The following WDR49 variants were observed in gnomAD, a reference collection of about 807,000 sequenced individuals.
WDR49 encodes WD repeat domain 49.
In WDR49, 107 loss-of-function variants were observed where a neutral mutation model predicts 119.5. The ratio of observed to expected loss-of-function variants is 0.90; its 90% CI spans 0.77 to 1.05. The LOEUF (loss-of-function observed/expected upper bound fraction) is 1.05, where lower values mean the gene tolerates loss of function less well. Ranked by LOEUF, WDR49 falls within the 50% of genes least tolerant of loss-of-function variation. The pLI is 0.00. For synonymous variants in WDR49, 425 were observed against 418.8 expected, an observed-to-expected ratio of 1.01 and a Z score of -0.18; for missense variants, 1,240 against 1,220.5, an observed-to-expected ratio of 1.02 and a Z score of -0.24.
intron 7 of WDR49, among the ~76,000 whole-genome samples, chr3:167,583,230 T>C (rs1714640164): frequency 1.3e-5 from 2 of 152,092 alleles, no homozygotes; most frequent in Non-Finnish European, 2.9e-5. Flanking sequence ...TAATTTACAA[T>C]GTAAATTAAA....
chr3:167,505,516 A>AAACAAG, intron 16 of WDR49, 100 bp from the exon 17 acceptor site: 1 of 1,349,988 alleles, frequency 7.4e-7, no homozygotes, highest in Non-Finnish European at 9.5e-7. Context: ...ACAAAAACAA[A>AAACAAG]AACAAAAAAT....
intron 2 of WDR49, among the ~76,000 whole-genome samples, chr3:167,648,926 A>T (rs1401897347): frequency 6.6e-6 from 1 of 152,228 alleles, no homozygotes; most frequent in African/African-American, 2.4e-5. Context: ...GTTTGCATAC[A>T]CTATAAAAAA....
chr3:167,635,706 A>G (rs1717585214), intron 2 of WDR49, among the ~76,000 whole-genome samples: 1 of 151,652 alleles, frequency 6.6e-6, no homozygotes. Flanking sequence ...CCCGAGGTTT[A>G]CTGCCCTTAA....
At chr3:167,540,355 C>T (rs1711737848) in intron 10 of WDR49, among the ~76,000 whole-genome samples, 1 of 152,170 alleles carries the variant, frequency 6.6e-6, no homozygotes. Context: ...AGATGAATCA[C>T]ATCAGAGGAC....
chr3:167,617,541 G>C (rs1186357946), intron 5 of WDR49, among the ~76,000 whole-genome samples: 2 of 152,058 alleles, frequency 1.3e-5, no homozygotes, highest in African/African-American at 4.8e-5. Flanking sequence ...AACAAACAAA[G>C]AAACAAACCT....
chr3:167,509,530 G>A (rs530263145), intron 16 of WDR49, among the ~76,000 whole-genome samples: 49 of 152,064 alleles, frequency 3.2e-4, no homozygotes, highest in Non-Finnish European at 5.6e-4. Context: ...ATATCATAGC[G>A]ACAGTTTTAA....
intron 2 of WDR49, among the ~76,000 whole-genome samples, chr3:167,627,864 T>G (rs1483179780): frequency 6.6e-6 from 1 of 152,138 alleles, no homozygotes; most frequent in African/African-American, 2.4e-5. Flanking sequence ...ATTGTGATTT[T>G]TACAAATTGA....
At chr3:167,570,845 GAC>G (rs1713894921) in intron 8 of WDR49, among the ~76,000 whole-genome samples, 1 of 152,102 alleles carries the variant, frequency 6.6e-6, no homozygotes, top group Admixed American at 6.5e-5. Flanking sequence ...AGACCAGCCT[GAC>G]CAACATGGTG....
chr3:167,611,746 C>A (rs1054172881), intron 5 of WDR49, among the ~76,000 whole-genome samples: 2 of 152,042 alleles, frequency 1.3e-5, no homozygotes, highest in Non-Finnish European at 2.9e-5. Flanking sequence ...CAAAGAACAT[C>A]ACCATGTAAT....
intron 16 of WDR49, among the ~76,000 whole-genome samples, chr3:167,511,347 G>T (rs145115823): frequency 6.6e-6 from 1 of 152,056 alleles, no homozygotes; most frequent in African/African-American, 2.4e-5. Context: ...TTTTTGATGC[G>T]TTATTTTTTC....
At chr3:167,589,790 G>T (rs1366586539) in intron 7 of WDR49, among the ~76,000 whole-genome samples, 1 of 152,008 alleles carries the variant, frequency 6.6e-6, no homozygotes, top group Non-Finnish European at 1.5e-5. Context: ...CTACTTTACT[G>T]AATTTGCTTA....
intron 15 of WDR49, among the ~76,000 whole-genome samples, chr3:167,524,343 C>T (rs552547980): frequency 6.6e-6 from 1 of 152,258 alleles, no homozygotes; most frequent in East Asian, 1.9e-4. Context: ...AATTTTCTCC[C>T]ATTCTGTAGG....
chr3:167,597,979 G>A (rs1216477133), intron 7 of WDR49, among the ~76,000 whole-genome samples: 1 of 152,122 alleles, frequency 6.6e-6, no homozygotes, highest in African/African-American at 2.4e-5. Context: ...AGACTTTGGG[G>A]GACCATGATG....
At chr3:167,526,149 G>GA (rs1483222364) in intron 15 of WDR49, among the ~76,000 whole-genome samples, 1 of 151,962 alleles carries the variant, frequency 6.6e-6, no homozygotes, top group Middle Eastern at 3.2e-3. Flanking sequence ...GAACAGAAGG[G>GA]AAAAAATAAA....
At chr3:167,642,600 TC>T (rs761710276) in intron 2 of WDR49, among the ~76,000 whole-genome samples, 2 of 151,892 alleles carry the variant, frequency 1.3e-5, no homozygotes, top group African/African-American at 2.4e-5. Flanking sequence ...TATAGATATA[TC>T]CTAGCTATGT....
intron 2 of WDR49, among the ~76,000 whole-genome samples, chr3:167,630,657 A>G (rs976270667): frequency 5.9e-5 from 9 of 152,120 alleles, no homozygotes; most frequent in African/African-American, 2.2e-4. Flanking sequence ...AGCCACATGC[A>G]ATTGATTCTT....
In WDR49 at chr3:167,591,099, C is replaced by T. The variant is rs139658996; in HGVS notation, c.1275+11028G>A. ...ACTGTATCCCATAGGTTTTGGTATGCCATGTTTCCATTGTCATTTGTTTCA... is the reference window on the plus strand; with the variant it reads ...ACTGTATCCCATAGGTTTTGGTATGTCATGTTTCCATTGTCATTTGTTTCA... On this transcript the variant is annotated intron_variant, in intron 7 of 18. Transcript: ENST00000682715. Among the ~76,000 whole-genome samples, 539 of 151,974 alleles carry T rather than the reference C, an allele frequency of 3.5e-3. 1 individual carries two copies. The highest frequency in any genetic ancestry group is 6.0e-3 in the Non-Finnish European group (407 of 67,844).
intron 18 of WDR49, among the ~76,000 whole-genome samples, chr3:167,493,264 C>A (rs1751222282): frequency 6.6e-6 from 1 of 152,130 alleles, no homozygotes; most frequent in African/African-American, 2.4e-5. Flanking sequence ...CTCCAGAACC[C>A]AGAGCTAGCA....
At chr3:167,597,787 C>T (rs1351834560) in intron 7 of WDR49, among the ~76,000 whole-genome samples, 1 of 152,168 alleles carries the variant, frequency 6.6e-6, no homozygotes, top group Non-Finnish European at 1.5e-5. Flanking sequence ...CTTGTAGCCC[C>T]TTTGTTGTGG....
Sources: gnomAD v4.1 joint callset for allele counts (sites outside exome capture counted in the v4.1 genomes callset) on GRCh38, gnomAD v4.1.1 for gene constraint, MANE v1.5 for transcripts, NCBI Gene and HGNC (gene_info 2026-07-23, HGNC 2026-07-21) for gene names.